Variants in CLRN1 observed in about 807,000 individuals in gnomAD.
CLRN1 encodes the protein clarin 1, also known as clarin-1.
In CLRN1, 15 loss-of-function variants were observed where a neutral mutation model predicts 18.7. The ratio of observed to expected loss-of-function variants is 0.80; its 90% CI spans 0.54 to 1.23. CLRN1 has a LOEUF of 1.23. Ranked by LOEUF, CLRN1 falls within the 50% of genes most tolerant of loss-of-function variation. CLRN1 has a pLI of 0.00. For missense variants in CLRN1, 311 were observed against 277.5 expected, an observed-to-expected ratio of 1.12 and a Z score of -0.86; for synonymous variants, 104 against 102.9, an observed-to-expected ratio of 1.01 and a Z score of -0.07.
chr3:150,951,531 T>C (rs911624806), intron 1 of CLRN1, among the ~76,000 whole-genome samples: 11 of 152,014 alleles, frequency 7.2e-5, no homozygotes, highest in African/African-American at 2.4e-4. Context: ...AGAGATGGGG[T>C]TTCACCATGT....
intron 1 of CLRN1, among the ~76,000 whole-genome samples, chr3:150,948,987 G>C (rs1381240632): frequency 6.6e-6 from 1 of 152,166 alleles, no homozygotes; most frequent in Non-Finnish European, 1.5e-5. Flanking sequence ...GAATCCAGTA[G>C]TATATCAAAA....
Position 150,927,539 on chromosome 3 carries a change from G to T in CLRN1, c.*397C>A, listed in dbSNP as rs771664985. ...TTGCAGCTCAGTTTTCTGAAATCTGGCAACAAATGTGTGGATATATTAGAG... is the reference window on the plus strand; with the variant it reads ...TTGCAGCTCAGTTTTCTGAAATCTGTCAACAAATGTGTGGATATATTAGAG... On this transcript the variant is annotated 3_prime_UTR_variant, in exon 3 of 3. Transcript: ENST00000327047. 1 of 456,142 alleles carries T rather than the reference G, an allele frequency of 2.2e-6. No individual in the cohort carries two copies. The highest frequency in any genetic ancestry group is 2.0e-5 in the African/African-American group (1 of 50,152). The allele number at this position is 456,142 out of a possible 1,614,324, so 28.3% of individuals were successfully genotyped here.
At chr3:150,966,727 C>T (rs1054020266) in intron 1 of CLRN1, among the ~76,000 whole-genome samples, 1 of 152,102 alleles carries the variant, frequency 6.6e-6, no homozygotes, top group Non-Finnish European at 1.5e-5. Flanking sequence ...CATCTGGATC[C>T]TGATAAATGG....
intron 1 of CLRN1, among the ~76,000 whole-genome samples, chr3:150,943,144 A>T (rs1253788794): frequency 6.6e-6 from 1 of 152,202 alleles, no homozygotes; most frequent in Non-Finnish European, 1.5e-5. Context: ...GAGAGCTGTT[A>T]TCCAGCGGTA....
chr3:150,963,833 A>G (rs1054271507), intron 1 of CLRN1, among the ~76,000 whole-genome samples: 17 of 152,218 alleles, frequency 1.1e-4, no homozygotes, highest in African/African-American at 3.6e-4. Context: ...CCTATTTAAT[A>G]AATGGTGTTG....
chr3:150,933,198 G>T (rs886216068), intron 2 of CLRN1, among the ~76,000 whole-genome samples: 6 of 152,160 alleles, frequency 3.9e-5, no homozygotes, highest in Non-Finnish European at 7.3e-5. Context: ...TTGCGCTGTT[G>T]TGGGAACTGG....
chr3:150,937,304 A>C (rs1559980736), intron 2 of CLRN1, among the ~76,000 whole-genome samples: 1 of 152,178 alleles, frequency 6.6e-6, no homozygotes, highest in Admixed American at 6.5e-5. Context: ...TCACTGTGGG[A>C]TCACCAGTGC....
chr3:150,950,427 A>G (rs2870059), intron 1 of CLRN1, among the ~76,000 whole-genome samples: 65,988 of 152,088 alleles, frequency 0.43, 16,415 homozygotes, highest in Non-Finnish European at 0.56. Flanking sequence ...ACAAAGGTCT[A>G]ATACCCAGCA....
intron 2 of CLRN1, among the ~76,000 whole-genome samples, chr3:150,929,390 G>T (rs1210225946): frequency 6.6e-6 from 1 of 152,186 alleles, no homozygotes; most frequent in Non-Finnish European, 1.5e-5. Context: ...GGACTCTACA[G>T]CGCTTCCACA....
intron 2 of CLRN1, among the ~76,000 whole-genome samples, chr3:150,941,178 C>CAT (rs57988194): frequency 0.016 from 2,100 of 132,822 alleles, 28 homozygotes; most frequent in African/African-American, 0.023. Flanking sequence ...CTATCTCTTT[C>CAT]ATATATATAT....
chr3:150,959,096 A>G lies in CLRN1; in HGVS notation c.253+13360T>C, dbSNP rs150304225. Among the ~76,000 whole-genome samples the G allele has an allele frequency of 6.6e-5, 10 of 152,352 alleles. No individual in the cohort carries two copies. The East Asian group carries it at 1.9e-3, about 29-fold the overall frequency. On this transcript the variant is annotated intron_variant, in intron 1 of 2. Coordinates refer to ENST00000327047, the MANE Select transcript of CLRN1 (RefSeq NM_174878.3). ...TTAAAACATGACCCAGCCCATCCTG[A>G]ATGATATGCTAGCATAGCTCTCCCA...
intron 2 of CLRN1, 108 bp from the exon 3 acceptor site, chr3:150,928,309 A>C: frequency 7.6e-7 from 1 of 1,314,768 alleles, no homozygotes; most frequent in African/African-American, 1.5e-5. Flanking sequence ...ATCCCCATTG[A>C]CATTATCCAC....
At chr3:150,955,387 A>T (rs1332900171) in intron 1 of CLRN1, among the ~76,000 whole-genome samples, 1 of 152,200 alleles carries the variant, frequency 6.6e-6, no homozygotes, top group African/African-American at 2.4e-5. Flanking sequence ...ATTTTACTGT[A>T]CGTAAATTAT....
At chr3:150,932,203 A>C (rs922040330) in intron 2 of CLRN1, among the ~76,000 whole-genome samples, 3 of 152,190 alleles carry the variant, frequency 2.0e-5, no homozygotes, top group African/African-American at 7.2e-5. Flanking sequence ...CTCCTCTGAC[A>C]GCTGTCTGAG....
intron 1 of CLRN1, among the ~76,000 whole-genome samples, chr3:150,945,128 G>T (rs1364392432): frequency 1.3e-5 from 2 of 152,130 alleles, no homozygotes; most frequent in Admixed American, 6.5e-5. Flanking sequence ...TATGTGCTAA[G>T]TGCCTCAATG....
At chr3:150,952,592 A>T (rs1487425184) in intron 1 of CLRN1, among the ~76,000 whole-genome samples, 1 of 152,206 alleles carries the variant, frequency 6.6e-6, no homozygotes, top group African/African-American at 2.4e-5. Flanking sequence ...AGCCTCCCTT[A>T]CACTCAGTCA....
chr3:150,957,668 G>T (rs1714815903), intron 1 of CLRN1, among the ~76,000 whole-genome samples: 1 of 151,978 alleles, frequency 6.6e-6, no homozygotes, highest in African/African-American at 2.4e-5. Flanking sequence ...CTTTTTTAGG[G>T]GGTCGGTGGG....
chr3:150,964,691 G>A (rs754082794), intron 1 of CLRN1, among the ~76,000 whole-genome samples: 4 of 152,214 alleles, frequency 2.6e-5, no homozygotes, highest in South Asian at 2.1e-4. Flanking sequence ...TTAAGAAAAT[G>A]TGGCACATGT....
chr3:150,966,483 T>C (rs1323190380), intron 1 of CLRN1, among the ~76,000 whole-genome samples: 1 of 152,222 alleles, frequency 6.6e-6, no homozygotes, highest in Non-Finnish European at 1.5e-5. Context: ...GGAAGCAGGA[T>C]GTCAGCTTCT....
Sources: allele counts gnomAD v4.1 joint callset (sites outside exome capture counted in the v4.1 genomes callset), GRCh38; gene constraint gnomAD v4.1.1; transcripts MANE v1.5; gene names NCBI Gene and HGNC (gene_info 2026-07-23, HGNC 2026-07-21).